Variants in NREP observed in about 807,000 individuals in gnomAD.
The protein encoded by NREP is neuronal regeneration related protein.
In NREP, 5 loss-of-function variants were observed where a neutral mutation model predicts 8.6. The observed-to-expected ratio is 0.58, with a 90% CI of 0.30 to 1.22. The LOEUF (loss-of-function observed/expected upper bound fraction) is 1.22, where lower values mean the gene tolerates loss of function less well. Ranked by LOEUF, NREP falls within the 50% of genes most tolerant of loss-of-function variation. The pLI, the probability that NREP is intolerant of heterozygous loss-of-function variation, is 0.07. For synonymous variants in NREP, 27 were observed against 28.0 expected (o/e 0.96, Z 0.11); for missense variants, 86 against 82.5 (o/e 1.04, Z -0.17).
intron 2 of NREP, among the ~76,000 whole-genome samples, chr5:111,854,667 T>C (rs1753386220): frequency 6.6e-6 from 1 of 152,226 alleles, no homozygotes; most frequent in South Asian, 2.1e-4. Flanking sequence ...TTCATGTATA[T>C]GTCTGTTTCT....
chr5:111,934,237 A>G (rs539021702), intron 2 of NREP, among the ~76,000 whole-genome samples: 38 of 152,132 alleles, frequency 2.5e-4, no homozygotes, highest in Admixed American at 4.6e-4. Flanking sequence ...TTGCGGGCAT[A>G]CGTTGGGTTA....
chr5:111,850,349 A>C (rs1430777351), intron 2 of NREP, among the ~76,000 whole-genome samples: 1 of 152,080 alleles, frequency 6.6e-6, no homozygotes, highest in Non-Finnish European at 1.5e-5. Flanking sequence ...GCCAGCTTCC[A>C]ATTTTATATT....
intron 2 of NREP, among the ~76,000 whole-genome samples, chr5:111,847,956 T>A (rs79575542): frequency 6.6e-6 from 1 of 152,184 alleles, no homozygotes; most frequent in South Asian, 2.1e-4. Context: ...TATTTCAACA[T>A]TGCCAAAGAT....
chr5:111,911,489 T>C (rs1264016899), intron 2 of NREP, among the ~76,000 whole-genome samples: 1 of 152,016 alleles, frequency 6.6e-6, no homozygotes, highest in Non-Finnish European at 1.5e-5. Context: ...CAAGACAATA[T>C]TGAGTAAGCA....
At chr5:111,895,936 C>T (rs964515893) in intron 2 of NREP, among the ~76,000 whole-genome samples, 65 of 152,048 alleles carry the variant, frequency 4.3e-4, no homozygotes, top group African/African-American at 1.4e-3. Flanking sequence ...TGTCTGAAAA[C>T]GATTGATAAG....
chr5:111,780,829 C>T (rs1156383137), intron 2 of NREP, among the ~76,000 whole-genome samples: 2 of 152,138 alleles, frequency 1.3e-5, no homozygotes, highest in Non-Finnish European at 2.9e-5. Flanking sequence ...ATCCCATATG[C>T]TCTTTTTCCA....
At chr5:111,975,547 T>C (rs1756939138) in intron 1 of NREP, among the ~76,000 whole-genome samples, 1 of 152,124 alleles carries the variant, frequency 6.6e-6, no homozygotes, top group Non-Finnish European at 1.5e-5. Flanking sequence ...ATGAAGACTC[T>C]TTTGAGAAGC....
At chr5:111,793,715 T>C (rs1751806781) in intron 2 of NREP, among the ~76,000 whole-genome samples, 2 of 152,316 alleles carry the variant, frequency 1.3e-5, no homozygotes, top group South Asian at 2.1e-4. Flanking sequence ...CCTAGCATAA[T>C]GCTTTACGCT....
At chr5:111,753,400 T>C (rs1750503824) in intron 2 of NREP, among the ~76,000 whole-genome samples, 1 of 148,278 alleles carries the variant, frequency 6.7e-6, no homozygotes, top group Admixed American at 6.8e-5. Context: ...ATATATATTT[T>C]ATAGATATAT....
At chr5:111,860,794 C>T (rs1029524000) in intron 2 of NREP, among the ~76,000 whole-genome samples, 1 of 152,116 alleles carries the variant, frequency 6.6e-6, no homozygotes, top group African/African-American at 2.4e-5. Context: ...ATTCAGAAGC[C>T]ATTACACCAA....
At chr5:111,959,159 A>G (rs1756414311) in intron 2 of NREP, among the ~76,000 whole-genome samples, 1 of 152,058 alleles carries the variant, frequency 6.6e-6, no homozygotes, top group Admixed American at 6.5e-5. Flanking sequence ...AAAAAAGCAA[A>G]AAGAAAGATA....
At chr5:111,738,096 T>C (rs1322373030) in intron 2 of NREP, among the ~76,000 whole-genome samples, 2 of 152,196 alleles carry the variant, frequency 1.3e-5, no homozygotes, top group Non-Finnish European at 2.9e-5. Context: ...CTAGACATAG[T>C]ACCTAAAGGA....
chr5:111,976,888 G>A (rs1756981896), exon 1 of NREP: 1 of 602,568 alleles, frequency 1.7e-6, no homozygotes, highest in Non-Finnish European at 3.0e-6. Context: ...TGATTGCACT[G>A]CCTGGAAAAG....
intron 2 of NREP, among the ~76,000 whole-genome samples, chr5:111,961,677 T>G (rs1439858297): frequency 6.6e-6 from 1 of 152,206 alleles, no homozygotes; most frequent in Non-Finnish European, 1.5e-5. Context: ...TTCCTGCATA[T>G]AATGTCTTCC....
chr5:111,766,360 C>A (rs1751083492), intron 2 of NREP, among the ~76,000 whole-genome samples: 1 of 152,130 alleles, frequency 6.6e-6, no homozygotes, highest in African/African-American at 2.4e-5. Context: ...TTTCCATTTG[C>A]ACGGATTTGC....
At chr5:111,770,541 G>C (rs78677582) in intron 2 of NREP, among the ~76,000 whole-genome samples, 4 of 118,072 alleles carry the variant, frequency 3.4e-5, no homozygotes, top group Non-Finnish European at 7.1e-5. Flanking sequence ...ATTTGGTAAA[G>C]AAGAATTATT....
chr5:111,940,076 C>G (rs2112614481), intron 2 of NREP: 1 of 152,152 alleles, frequency 6.6e-6, no homozygotes, highest in East Asian at 1.9e-4. Context: ...ACATCCCAAT[C>G]TGAATTACTG....
chr5:111,950,635 G>C (rs1219647799), intron 2 of NREP, among the ~76,000 whole-genome samples: 1 of 151,344 alleles, frequency 6.6e-6, no homozygotes, highest in Non-Finnish European at 1.5e-5. Flanking sequence ...GAAAAGTTTT[G>C]TAAGCTGCTC....
At chr5:111,872,452 A>G (rs1458608583) in intron 2 of NREP, among the ~76,000 whole-genome samples, 1 of 152,176 alleles carries the variant, frequency 6.6e-6, no homozygotes, top group Non-Finnish European at 1.5e-5. Flanking sequence ...ATTTGACCAA[A>G]TATCTGGATA....
Sources: gnomAD v4.1 joint callset for allele counts (sites outside exome capture counted in the v4.1 genomes callset) on GRCh38, gnomAD v4.1.1 for gene constraint, MANE v1.5 for transcripts, NCBI Gene and HGNC (gene_info 2026-07-23, HGNC 2026-07-21) for gene names.